Variants in ADAMTS12 observed in about 807,000 individuals in gnomAD.
The protein encoded by ADAMTS12 is A disintegrin and metalloproteinase with thrombospondin motifs 12.
ADAMTS12 carries 118 observed loss-of-function variants against 167.8 expected under a neutral mutation model. That is an observed-to-expected ratio of 0.70 (90% CI 0.61 to 0.82). The LOEUF is 0.82. ADAMTS12 is among the 40% of genes least tolerant of loss of function. The pLI, the probability that ADAMTS12 is intolerant of heterozygous loss-of-function variation, is 0.00. For missense variants in ADAMTS12, 1,916 were observed against 1,998.8 expected, an observed-to-expected ratio of 0.96 and a Z score of 0.79; for synonymous variants, 704 against 716.9, an observed-to-expected ratio of 0.98 and a Z score of 0.29.
Position 33,744,325 on chromosome 5 carries a change from G to T in ADAMTS12, c.634+7079C>A, listed in dbSNP as rs7721323. On this transcript the variant is annotated intron_variant, in intron 3 of 23. Transcript: ENST00000504830. Reference sequence around the variant, plus strand: ...GGAGAACACGTTTCAGGGAGAAGGAGTCTAAGGGCAAAGGGTAGCAGTGAT... The same window carrying T: ...GGAGAACACGTTTCAGGGAGAAGGATTCTAAGGGCAAAGGGTAGCAGTGAT... Among the ~76,000 whole-genome samples, 591 of 152,290 alleles carry T rather than the reference G, an allele frequency of 3.9e-3. 4 individuals carry two copies. Among genetic ancestry groups the T allele is most frequent in the African/African-American group, 0.014 (573 of 41,558 alleles).
intron 3 of ADAMTS12, among the ~76,000 whole-genome samples, chr5:33,714,251 T>G (rs1351268278): frequency 6.6e-6 from 1 of 152,044 alleles, no homozygotes; most frequent in Non-Finnish European, 1.5e-5. Flanking sequence ...AGGAAGGCTA[T>G]TGTCAAAAAC....
chr5:33,752,200 T>C lies in ADAMTS12; in HGVS notation c.490-652A>G, dbSNP rs1745015096. ...AGAACACTGGCCAATGAGTAACTCC[T>C]TTTAGAGGTCAGGTCTAGAAGTGCT... On this transcript the variant is annotated intron_variant, in intron 2 of 23. Transcript: ENST00000504830. Among the ~76,000 whole-genome samples, 3 of 152,210 alleles carry C rather than the reference T, an allele frequency of 2.0e-5. No homozygotes were observed. In the South Asian group the frequency reaches 6.2e-4, roughly 32 times the overall value.
At chr5:33,636,056 G>T (rs1230515483) in intron 12 of ADAMTS12, among the ~76,000 whole-genome samples, 1 of 152,134 alleles carries the variant, frequency 6.6e-6, no homozygotes, top group Non-Finnish European at 1.5e-5. Flanking sequence ...CTATTGCTTT[G>T]CTAGTCAAAA....
intron 2 of ADAMTS12, among the ~76,000 whole-genome samples, chr5:33,852,062 C>T (rs1749238542): frequency 6.6e-6 from 1 of 152,196 alleles, no homozygotes; most frequent in South Asian, 2.1e-4. Context: ...TATTATCTAA[C>T]AGTTTAACCT....
chr5:33,774,973 G>A (rs114185502), intron 2 of ADAMTS12, among the ~76,000 whole-genome samples: 198 of 152,228 alleles, frequency 1.3e-3, no homozygotes, highest in Non-Finnish European at 2.3e-3. Context: ...GGATGAATGC[G>A]GTAAAAATAC....
At chr5:33,729,386 T>C (rs141826760) in intron 3 of ADAMTS12, among the ~76,000 whole-genome samples, 14 of 152,360 alleles carry the variant, frequency 9.2e-5, no homozygotes, top group Non-Finnish European at 8.8e-5. Context: ...AGTTGCATGA[T>C]TACAAGTTAG....
chr5:33,551,114 T>C (rs1745238720), intron 20 of ADAMTS12, among the ~76,000 whole-genome samples: 1 of 152,194 alleles, frequency 6.6e-6, no homozygotes, highest in Admixed American at 6.5e-5. Flanking sequence ...GCTGTCTTTC[T>C]GGCTATGGTG....
chr5:33,846,056 G>C (rs543309072), intron 2 of ADAMTS12, among the ~76,000 whole-genome samples: 67 of 152,272 alleles, frequency 4.4e-4, no homozygotes, highest in African/African-American at 1.6e-3. Context: ...ACTTCAGCAT[G>C]AAATTTTGAG....
chr5:33,871,704 T>C (rs1750042493), intron 2 of ADAMTS12, among the ~76,000 whole-genome samples: 1 of 151,808 alleles, frequency 6.6e-6, no homozygotes, highest in South Asian at 2.1e-4. Context: ...TTTTAAAAGA[T>C]CAATAAAATC....
Position 33,524,542 on chromosome 5 carries a change from T to G in ADAMTS12, c.*2646A>C, listed in dbSNP as rs770564398. ...GATAAAGTAAATCAACAACTCTGCT[T>G]CATATCAGCACCCAAGTATCAAAGA... On this transcript the variant is annotated 3_prime_UTR_variant, in exon 24 of 24. Transcript: ENST00000504830. 7 of 152,210 alleles carry G rather than the reference T, an allele frequency of 4.6e-5. No individual in the cohort carries two copies. Among genetic ancestry groups the G allele is most frequent in the Non-Finnish European group, 1.0e-4 (7 of 68,038 alleles). The allele number at this position is 152,210 out of a possible 1,614,324, so 9.4% of individuals were successfully genotyped here. A position where few individuals can be genotyped will look rare whatever the true frequency, so the allele number is the denominator to read the frequency against.
chr5:33,766,460 A>G (rs989688339), intron 2 of ADAMTS12, among the ~76,000 whole-genome samples: 3 of 152,206 alleles, frequency 2.0e-5, no homozygotes, highest in Admixed American at 6.5e-5. Flanking sequence ...GAACAGAAAA[A>G]AATGACAATA....
intron 5 of ADAMTS12, among the ~76,000 whole-genome samples, chr5:33,665,117 C>A (rs1184245190): frequency 2.6e-5 from 4 of 152,036 alleles, no homozygotes; most frequent in African/African-American, 9.7e-5. Context: ...TTTGTGACAA[C>A]ATGGATGAAC....
chr5:33,823,933 TGTG>T (rs1747961652), intron 2 of ADAMTS12, among the ~76,000 whole-genome samples: 1 of 152,126 alleles, frequency 6.6e-6, no homozygotes, highest in African/African-American at 2.4e-5. Flanking sequence ...TTAATTGGAC[TGTG>T]GTGATCATTA....
chr5:33,576,901 C>T lies in ADAMTS12; in HGVS notation c.3125G>A (p.Ser1042Asn). The T allele has an allele frequency of 6.2e-7, 1 of 1,614,158 alleles. No individual in the cohort carries two copies. Residue 1042 changes from serine (S) to asparagine (N), a missense_variant, in exon 19 of 24, where the codon AGC becomes AAC. By Grantham distance (46) the Ser-to-Asn change is conservative. Transcript: ENST00000504830. Reference protein sequence around the residue: ...LTTPTGPESMSTSTPAISSPS... With the variant: ...LTTPTGPESMNTSTPAISSPS... ...GCTGCTGATTGCTGGAGTGCTTGTGCTCATAGACTCAGGCCCTGTGGGTGT... is the reference window on the plus strand; with the variant it reads ...GCTGCTGATTGCTGGAGTGCTTGTGTTCATAGACTCAGGCCCTGTGGGTGT...
At chr5:33,605,022 G>A (rs528341957) in intron 16 of ADAMTS12, among the ~76,000 whole-genome samples, 36 of 152,294 alleles carry the variant, frequency 2.4e-4, no homozygotes, top group African/African-American at 7.5e-4. Context: ...CTGCCTTTGG[G>A]CATTTTAATT....
At chr5:33,596,614 G>C (rs929376298) in intron 16 of ADAMTS12, among the ~76,000 whole-genome samples, 4 of 152,124 alleles carry the variant, frequency 2.6e-5, no homozygotes, top group Non-Finnish European at 5.9e-5. Context: ...CCCAGGAGGC[G>C]AAGGTTGCCG....
intron 16 of ADAMTS12, among the ~76,000 whole-genome samples, chr5:33,605,970 T>C (rs1176348772): frequency 6.6e-6 from 1 of 151,792 alleles, no homozygotes; most frequent in Non-Finnish European, 1.5e-5. Context: ...TTTTTTGAGA[T>C]GGAGTCTCAC....
intron 2 of ADAMTS12, among the ~76,000 whole-genome samples, chr5:33,791,035 A>C (rs952306832): frequency 6.6e-6 from 1 of 151,944 alleles, no homozygotes; most frequent in Non-Finnish European, 1.5e-5. Context: ...CTCATGATGA[A>C]AGCAATCTAG....
intron 2 of ADAMTS12, among the ~76,000 whole-genome samples, chr5:33,845,639 T>G (rs991169996): frequency 6.6e-6 from 1 of 152,150 alleles, no homozygotes; most frequent in African/African-American, 2.4e-5. Context: ...AAATGTATAT[T>G]AATTAGAAAG....
Sources: allele counts gnomAD v4.1 joint callset (sites outside exome capture counted in the v4.1 genomes callset), GRCh38; gene constraint gnomAD v4.1.1; transcripts MANE v1.5; gene names NCBI Gene and HGNC (gene_info 2026-07-23, HGNC 2026-07-21).